The following LRP1B variants were observed in gnomAD, a reference collection of about 807,000 sequenced individuals.
The protein encoded by LRP1B is low-density lipoprotein receptor-related protein 1B.
A neutral mutation model predicts 556.6 loss-of-function variants in LRP1B; 217 were observed. The observed-to-expected ratio is 0.39, with a 90% CI of 0.35 to 0.44. The LOEUF is 0.44. Ranked by LOEUF, LRP1B falls within the 20% of genes least tolerant of loss-of-function variation. The pLI is 1.00. For synonymous variants in LRP1B, 2,047 were observed against 1,865.8 expected (o/e 1.10, Z -2.50); for missense variants, 5,053 against 5,620.8 (o/e 0.90, Z 3.23).
chr2:140,247,278 A>G, intron 86 of LRP1B, 116 bp from the exon 87 acceptor site: 1 of 685,750 alleles, frequency 1.5e-6, no homozygotes, highest in Non-Finnish European at 2.7e-6. Context: ...TCACAAATTC[A>G]TAAATATTAC....
At chr2:142,089,689 T>C (rs1432778881) in intron 1 of LRP1B, among the ~76,000 whole-genome samples, 1 of 152,162 alleles carries the variant, frequency 6.6e-6, no homozygotes, top group Admixed American at 6.5e-5. Context: ...AGGAGATTAG[T>C]TGTCACTCTT....
intron 3 of LRP1B, among the ~76,000 whole-genome samples, chr2:141,475,869 T>C (rs1368193066): frequency 6.6e-6 from 1 of 152,010 alleles, no homozygotes; most frequent in Non-Finnish European, 1.5e-5. Flanking sequence ...GAGAACCACC[T>C]CCGTCCAACA....
intron 2 of LRP1B, among the ~76,000 whole-genome samples, chr2:141,760,588 T>C (rs1282236673): frequency 6.6e-6 from 1 of 152,220 alleles, no homozygotes; most frequent in African/African-American, 2.4e-5. Flanking sequence ...AATAAAGATG[T>C]ATATTTTACT....
At chr2:142,070,995 T>A (rs1705291778) in intron 1 of LRP1B, among the ~76,000 whole-genome samples, 1 of 151,852 alleles carries the variant, frequency 6.6e-6, no homozygotes, top group Admixed American at 6.6e-5. Flanking sequence ...AAAAGTAAAT[T>A]GAGAAAGGCG....
chr2:141,063,007 A>G (rs945066845), intron 7 of LRP1B, among the ~76,000 whole-genome samples: 3 of 152,004 alleles, frequency 2.0e-5, no homozygotes, highest in African/African-American at 7.2e-5. Flanking sequence ...CAAAGTTTAA[A>G]ATGTAACTCC....
At chr2:141,535,417 G>C (rs1685039136) in intron 2 of LRP1B, among the ~76,000 whole-genome samples, 1 of 151,926 alleles carries the variant, frequency 6.6e-6, no homozygotes, top group Non-Finnish European at 1.5e-5. Flanking sequence ...ATAATACTTA[G>C]ACTATTACTG....
At chr2:140,727,160 T>C (rs1478180800) in intron 35 of LRP1B, among the ~76,000 whole-genome samples, 1 of 152,286 alleles carries the variant, frequency 6.6e-6, no homozygotes, top group Admixed American at 6.6e-5. Flanking sequence ...TAAACCTGTA[T>C]TTTAGGTGAA....
At chr2:140,260,259 C>G (rs954419285) in intron 86 of LRP1B, among the ~76,000 whole-genome samples, 1 of 151,786 alleles carries the variant, frequency 6.6e-6, no homozygotes, top group African/African-American at 2.4e-5. Flanking sequence ...ATTTCAGAAG[C>G]AATGTAATAT....
At chr2:141,991,954 G>C (rs1430659535) in intron 1 of LRP1B, among the ~76,000 whole-genome samples, 1 of 152,004 alleles carries the variant, frequency 6.6e-6, no homozygotes, top group African/African-American at 2.4e-5. Context: ...GTATTCCTGT[G>C]GGACTGGCTC....
At chr2:141,277,488 T>C (rs577329842) in intron 3 of LRP1B, among the ~76,000 whole-genome samples, 88 of 152,300 alleles carry the variant, frequency 5.8e-4, no homozygotes, top group Non-Finnish European at 1.1e-3. Context: ...TTTCTTGCCT[T>C]CAGTGTTAAC....
intron 29 of LRP1B, 85 bp from the exon 30 acceptor site, chr2:140,841,177 G>GA: frequency 2.4e-6 from 2 of 838,296 alleles, no homozygotes; most frequent in Admixed American, 5.6e-5. Flanking sequence ...CTATCTAAGG[G>GA]AAAATTTAAT....
At chr2:141,348,955 T>A (rs2683821) in intron 3 of LRP1B, among the ~76,000 whole-genome samples, 84,591 of 151,744 alleles carry the variant, frequency 0.56, 24,310 homozygotes, top group Non-Finnish European at 0.6. Context: ...CATCCATGTA[T>A]GATGTGACTT....
intron 2 of LRP1B, among the ~76,000 whole-genome samples, chr2:141,716,809 G>A (rs993450283): frequency 6.6e-6 from 1 of 152,182 alleles, no homozygotes; most frequent in Non-Finnish European, 1.5e-5. Flanking sequence ...TTGATTGTAA[G>A]CCACTTTATG....
chr2:140,305,265 A>T (rs1389620014), intron 83 of LRP1B, among the ~76,000 whole-genome samples: 1 of 152,146 alleles, frequency 6.6e-6, no homozygotes, highest in African/African-American at 2.4e-5. Flanking sequence ...CATTTTCACG[A>T]TACTGATTCT....
intron 2 of LRP1B, among the ~76,000 whole-genome samples, chr2:141,681,777 T>C (rs1558801154): frequency 1.3e-5 from 2 of 152,196 alleles, no homozygotes; most frequent in African/African-American, 4.8e-5. Flanking sequence ...TTCCTCTGGA[T>C]ATCCTTGTCA....
intron 31 of LRP1B, among the ~76,000 whole-genome samples, chr2:140,832,601 G>A (rs549384469): frequency 6.6e-5 from 10 of 152,252 alleles, no homozygotes; most frequent in South Asian, 2.1e-4. Context: ...AACATGCATG[G>A]AGTGTCAGGT....
rs146843280 is a variant in LRP1B, at chr2:141,113,120, A to T, written c.1014-50847T>A. Among the ~76,000 whole-genome samples the T allele has an allele frequency of 1.7e-3, 263 of 152,330 alleles. 1 individual carries two copies. The highest frequency in any genetic ancestry group is 6.0e-3 in the African/African-American group (249 of 41,592). On this transcript the variant is annotated intron_variant, in intron 7 of 90. Coordinates refer to ENST00000389484, the MANE Select transcript of LRP1B (RefSeq NM_018557.3). ...ACTTTTATTCCTAAAAGAAACAAAC[A>T]CATAAAACTAACTTTTAATTTTCTC...
Position 140,355,878 on chromosome 2 carries a change from G to C in LRP1B, c.11530+464C>G, listed in dbSNP as rs565674253. Reference sequence around the variant, plus strand: ...ACAGATTTATGTAGATCCTGACTTTGAATTTTTAAAGATACATTATGATCT... The same window carrying C: ...ACAGATTTATGTAGATCCTGACTTTCAATTTTTAAAGATACATTATGATCT... On this transcript the variant is annotated intron_variant, in intron 75 of 90. Coordinates refer to ENST00000389484, the MANE Select transcript of LRP1B (RefSeq NM_018557.3). Among the ~76,000 whole-genome samples the C allele has an allele frequency of 3.3e-5, 5 of 151,776 alleles. No individual in the cohort carries two copies. In the East Asian group the frequency reaches 7.8e-4, roughly 24 times the overall value.
intron 15 of LRP1B, among the ~76,000 whole-genome samples, chr2:141,004,038 A>G (rs1022981826): frequency 6.6e-6 from 1 of 152,116 alleles, no homozygotes; most frequent in African/African-American, 2.4e-5. Context: ...TGAAAAATGC[A>G]TCTTTTCTTC....
Sources: allele counts gnomAD v4.1 joint callset (sites outside exome capture counted in the v4.1 genomes callset), GRCh38; gene constraint gnomAD v4.1.1; transcripts MANE v1.5; gene names NCBI Gene and HGNC (gene_info 2026-07-23, HGNC 2026-07-21).